ITFG2: variants seen among roughly 807,000 people sequenced by gnomAD.
ITFG2 encodes integrin alpha FG-GAP repeat containing 2.
A neutral mutation model predicts 54.4 loss-of-function variants in ITFG2; 36 were observed. That is an observed-to-expected ratio of 0.66 (90% CI 0.51 to 0.87). The LOEUF (loss-of-function observed/expected upper bound fraction) is 0.87. Ranked by LOEUF, ITFG2 falls within the 40% of genes least tolerant of loss-of-function variation. The pLI, the probability that ITFG2 is intolerant of heterozygous loss-of-function variation, is 0.00. For synonymous variants in ITFG2, 211 were observed against 225.4 expected, an observed-to-expected ratio of 0.94 and a Z score of 0.57; for missense variants, 524 against 576.7, an observed-to-expected ratio of 0.91 and a Z score of 0.94.
chr12:2,856,774 G>T (rs1239224653), intron 2 of ITFG2, among the ~76,000 whole-genome samples: 1 of 152,204 alleles, frequency 6.6e-6, no homozygotes, highest in Non-Finnish European at 1.5e-5. Flanking sequence ...CACTAGCCAG[G>T]CATCTCCTCT....
Position 2,842,970 on chromosome 12 carries a change from A to G in ITFG2, n.300+1975A>G, listed in dbSNP as rs369313526. Among the ~76,000 whole-genome samples the G allele has an allele frequency of 3.1e-4, 47 of 152,258 alleles. No homozygotes were observed. In the South Asian group the frequency reaches 9.1e-3, roughly 30 times the overall value. On this transcript the variant is annotated intron_variant and non_coding_transcript_variant, in intron 2 of 3. Transcript: ENST00000537710. ...CCCACCTTCCTTGTCATAGCCGTTC[A>G]TGCCTTCAGAGATCTTTCCATCTTT...
chr12:2,854,829 C>T (rs1052013864), intron 2 of ITFG2: 1 of 1,439,794 alleles, frequency 6.9e-7, no homozygotes, highest in African/African-American at 1.4e-5. Context: ...AAACAGGAAC[C>T]TGAGAGAGGG....
chr12:2,857,100 G>T (rs2153930123), intron 2 of ITFG2: 1 of 702,586 alleles, frequency 1.4e-6, no homozygotes, highest in Non-Finnish European at 2.6e-6. Context: ...TACTCCTGGG[G>T]TTGCTATGGT....
chr12:2,828,403 C>A (rs762709286), downstream of ITFG2: 3 of 1,614,038 alleles, frequency 1.9e-6, no homozygotes, highest in Non-Finnish European at 2.5e-6. Context: ...CTCTAAGCAG[C>A]TGGTCCTGGC....
At chr12:2,840,839 T>C (rs1243416464) in intron 1 of ITFG2, 1 of 151,846 alleles carries the variant, frequency 6.6e-6, no homozygotes, top group Non-Finnish European at 1.5e-5. Flanking sequence ...TTTTTTTTTG[T>C]AGAAAAAAGA....
At chr12:2,817,716 A>G (rs2097926221) in intron 2 of ITFG2, 193 bp from the exon 3 acceptor site, 1 of 545,700 alleles carries the variant, frequency 1.8e-6, no homozygotes, top group Non-Finnish European at 3.2e-6. Context: ...TCAGGTCTTC[A>G]TGTTGCTGTC....
intron 9 of ITFG2, 53 bp downstream of exon 9, chr12:2,821,845 G>A (rs1293634949): frequency 3.4e-5 from 46 of 1,335,844 alleles, no homozygotes; most frequent in Non-Finnish European, 4.7e-5. Flanking sequence ...CACATGGAGA[G>A]ATGAGATTTG....
In ITFG2 at chr12:2,817,335, C is replaced by G; in HGVS notation, c.192+17C>G. On this transcript the variant is annotated intron_variant, in intron 2 of 11. Transcript: ENST00000228799. ...CAGGGAATGGTCAGTATTCACTTCC[C>G]TGGGCCTGGAGGGGGGAAGGGATCC... 1 of 1,586,890 alleles carries G rather than the reference C, an allele frequency of 6.3e-7. No individual in the cohort carries two copies. The highest frequency in any genetic ancestry group is 8.6e-7 in the Non-Finnish European group (1 of 1,156,844).
intron 2 of ITFG2, among the ~76,000 whole-genome samples, chr12:2,843,102 G>A (rs1398884687): frequency 6.6e-6 from 1 of 152,180 alleles, no homozygotes; most frequent in Non-Finnish European, 1.5e-5. Flanking sequence ...CCAGTGCCCT[G>A]CCACATAAGG....
Position 2,855,249 on chromosome 12 carries a change from C to G in ITFG2, n.301-2763C>G, listed in dbSNP as rs1468985007. The G allele has an allele frequency of 3.3e-6, 5 of 1,508,304 alleles. No homozygotes were observed. The South Asian group carries it at 4.9e-5, about 15-fold the overall frequency. The allele number at this position is 1,508,304 out of a possible 1,614,324, so 93.4% of individuals were successfully genotyped here. On this transcript the variant is annotated intron_variant and non_coding_transcript_variant, in intron 2 of 3. Coordinates refer to the ITFG2 transcript ENST00000537710. ...GCCACGTGTGAAAGCCCCAGGTGTGCTGGGCGCCACCCTTCCAAGGGTGGA... is the reference window on the plus strand; with the variant it reads ...GCCACGTGTGAAAGCCCCAGGTGTGGTGGGCGCCACCCTTCCAAGGGTGGA...
intron 4 of ITFG2, chr12:2,819,786 A>G (rs1415005234): frequency 8.1e-6 from 2 of 247,968 alleles, no homozygotes; most frequent in African/African-American, 4.5e-5. Flanking sequence ...AAGCAAGGGA[A>G]CCATCCAGAT....
rs368634638 is a variant in ITFG2 at position 2,830,738 on chromosome 12, T to A, written c.*60-96T>A. 1.7e-5 allele frequency: 27 copies of A among 1,613,192 alleles called. No homozygotes were observed. In the Admixed American group the frequency reaches 1.8e-4, roughly 11 times the overall value. On this transcript the variant is annotated intron_variant and NMD_transcript_variant, in intron 2 of 2. Transcript: ENST00000538822. ...AGTTGACCAGAAGAGCTGGAATCTCTGTCCTGCTGGTCTTCCTCCTGCTCT... is the reference window on the plus strand; with the variant it reads ...AGTTGACCAGAAGAGCTGGAATCTCAGTCCTGCTGGTCTTCCTCCTGCTCT...
At chr12:2,850,962 A>G (rs920678805) in intron 2 of ITFG2, among the ~76,000 whole-genome samples, 2 of 147,394 alleles carry the variant, frequency 1.4e-5, no homozygotes, top group Non-Finnish European at 3.0e-5. Context: ...ATGAGCCAAC[A>G]CACCAGGCCC....
intron 2 of ITFG2, 67 bp downstream of exon 2, chr12:2,817,385 TGAGCCCCACACAGGTGC>T: frequency 8.8e-7 from 1 of 1,135,722 alleles, no homozygotes; most frequent in Non-Finnish European, 1.3e-6. Context: ...CCACCTAGGG[TGAGCCCCACACAGGTGC>T]TCACCCATGT....
upstream of ITFG2, among the ~76,000 whole-genome samples, chr12:2,832,214 T>C (rs2098006660): frequency 2.6e-5 from 4 of 152,094 alleles, no homozygotes; most frequent in Admixed American, 2.0e-4. Context: ...AACATGAAAC[T>C]AACCATGTCT....
chr12:2,817,509 C>A (rs1056699656), intron 2 of ITFG2, 191 bp downstream of exon 2: 2 of 584,814 alleles, frequency 3.4e-6, no homozygotes, highest in African/African-American at 3.7e-5. Flanking sequence ...TGTCCTCACA[C>A]ACGCGTGCGT....
downstream of ITFG2, chr12:2,827,719 A>C: frequency 4.3e-6 from 7 of 1,613,296 alleles, no homozygotes; most frequent in Non-Finnish European, 5.1e-6. The surrounding 1 kb of genome is among the most constrained non-coding windows in gnomAD (Gnocchi z 4.0). Context: ...GAGGGTTCCC[A>C]GTGGTCACTG....
chr12:2,835,250 C>CCTGGT, upstream of ITFG2: 2 of 974,556 alleles, frequency 2.1e-6, no homozygotes, highest in Non-Finnish European at 2.4e-6. Flanking sequence ...GGTGCCCGTG[C>CCTGGT]CAGGTGGTTT....
downstream of ITFG2, among the ~76,000 whole-genome samples, chr12:2,829,480 A>C (rs1165891668): frequency 6.6e-6 from 1 of 152,190 alleles, no homozygotes; most frequent in Non-Finnish European, 1.5e-5. Context: ...CTATAAAAGG[A>C]TGTGAATGCC....
Sources: gnomAD v4.1 joint callset for allele counts (sites outside exome capture counted in the v4.1 genomes callset) on GRCh38, gnomAD v4.1.1 for gene constraint, Gnocchi (gnomAD v3.1) non-coding constraint, MANE v1.5 for transcripts, NCBI Gene and HGNC (gene_info 2026-07-23, HGNC 2026-07-21) for gene names.